ZNF708: variants seen among roughly 807,000 people sequenced by gnomAD.
ZNF708 encodes the protein zinc finger protein 708.
Under a neutral mutation model 47.0 loss-of-function variants are expected in ZNF708, and 44 were observed. The observed-to-expected ratio is 0.94, with a 90% CI of 0.74 to 1.20. The LOEUF (loss-of-function observed/expected upper bound fraction) is 1.20. Among genes scored for constraint, ZNF708 ranks in the 50% most tolerant of loss-of-function variants. The probability of loss-of-function intolerance (pLI) is 0.00; values close to 1 mark genes in which losing one functional copy is unlikely to be tolerated. For synonymous variants in ZNF708, 184 were observed against 218.5 expected (o/e 0.84, Z 1.39); for missense variants, 557 against 656.0 (o/e 0.85, Z 1.65).
At chr19:21,308,282 T>G (rs1972826427) in intron 3 of ZNF708, among the ~76,000 whole-genome samples, 1 of 143,376 alleles carries the variant, frequency 7.0e-6, no homozygotes, top group African/African-American at 2.7e-5. Flanking sequence ...TAATAAATCT[T>G]TTTTTTTTTT....
chr19:21,329,373 C>T lies in ZNF708; in HGVS notation c.-161G>A. 8.9e-7 allele frequency: 1 copy of T among 1,125,686 alleles called. No homozygotes were observed. Among genetic ancestry groups the T allele is most frequent in the Non-Finnish European group, 1.3e-6 (1 of 773,496 alleles). 69.7% of individuals were successfully genotyped at this position (1,125,686 alleles called of 1,614,324 possible). ...CAAGAGACAAAGGCCGCGCCAAACC[C>T]GGAAGCCGCCCTGTCCGGTCCAGCT... On this transcript the variant is annotated 5_prime_UTR_variant, in exon 1 of 4. Transcript: ENST00000356929.
intron 2 of ZNF708, 22 bp downstream of exon 2, chr19:21,310,476 TAAA>T: frequency 1.3e-5 from 13 of 1,021,568 alleles, no homozygotes; most frequent in South Asian, 5.7e-5. Flanking sequence ...TAATAAAAAT[TAAA>T]AAAAAAAAAA....
In ZNF708 at chr19:21,293,272, C is replaced by T. The variant is rs1459107255; in HGVS notation, c.*2G>A. 1 of 1,598,468 alleles carries T rather than the reference C, an allele frequency of 6.3e-7. No homozygotes were observed. Among genetic ancestry groups the T allele is most frequent in the Non-Finnish European group, 8.5e-7 (1 of 1,174,248 alleles). ...TGAAAATACACTAAAGGATTTGACA[C>T]ATTATTTACATTTGTAGGGTTTCTC... On this transcript the variant is annotated 3_prime_UTR_variant, in exon 4 of 4. Transcript: ENST00000356929.
chr19:21,308,158 A>C (rs535738183), intron 3 of ZNF708, among the ~76,000 whole-genome samples: 7 of 152,258 alleles, frequency 4.6e-5, no homozygotes, highest in African/African-American at 1.4e-4. Context: ...AAATATTGTT[A>C]AAATACCATA....
intron 3 of ZNF708, among the ~76,000 whole-genome samples, chr19:21,296,662 G>C (rs1004841677): frequency 1.3e-5 from 2 of 150,846 alleles, no homozygotes; most frequent in African/African-American, 2.4e-5. Context: ...ACATGATGCA[G>C]GAAAACACAT....
At chr19:21,300,113 G>C (rs796263049) in intron 3 of ZNF708, among the ~76,000 whole-genome samples, 1 of 151,194 alleles carries the variant, frequency 6.6e-6, no homozygotes, top group Admixed American at 6.6e-5. Flanking sequence ...AGACCAGCCT[G>C]ACCAACATGG....
chr19:21,320,520 T>C (rs778779032), intron 1 of ZNF708, among the ~76,000 whole-genome samples: 11 of 151,270 alleles, frequency 7.3e-5, no homozygotes, highest in South Asian at 2.1e-4. Context: ...ACCCCGTCTC[T>C]ACAAAAAAAT....
intron 1 of ZNF708, among the ~76,000 whole-genome samples, chr19:21,316,536 T>C (rs914938114): frequency 6.6e-6 from 1 of 152,164 alleles, no homozygotes; most frequent in African/African-American, 2.4e-5. Context: ...TTTGTGGACA[T>C]TTTAGCAAGA....
chr19:21,308,684 T>C (rs1206945437), intron 3 of ZNF708, among the ~76,000 whole-genome samples: 2 of 152,160 alleles, frequency 1.3e-5, no homozygotes, highest in Non-Finnish European at 2.9e-5. Context: ...GTGATAGGAT[T>C]ACAGCTGTGA....
At chr19:21,303,537 G>C (rs73536001) in intron 3 of ZNF708, among the ~76,000 whole-genome samples, 2,432 of 151,964 alleles carry the variant, frequency 0.016, 73 homozygotes, top group African/African-American at 0.051. Context: ...CTGGGCAATG[G>C]AGTGAGATCC....
At chr19:21,326,211 G>A (rs1367151319) in intron 1 of ZNF708, among the ~76,000 whole-genome samples, 1 of 152,158 alleles carries the variant, frequency 6.6e-6, no homozygotes, top group Non-Finnish European at 1.5e-5. Context: ...TCCCACAATT[G>A]GGTATCTACC....
In ZNF708 at chr19:21,329,227, A is replaced by G; in HGVS notation, c.-15T>C. 1 of 1,611,220 alleles carries G rather than the reference A, an allele frequency of 6.2e-7. No homozygotes were observed. On this transcript the variant is annotated 5_prime_UTR_variant, in exon 1 of 4. Coordinates refer to ENST00000356929, the MANE Select transcript of ZNF708 (RefSeq NM_021269.3). ...ACTCTCACCATTTCTAGGCTTCCAG[A>G]GGGTCCTGGAGTCTTAGCTGTGGAT...
chr19:21,308,349 A>C (rs1374259383), intron 3 of ZNF708, among the ~76,000 whole-genome samples: 1 of 150,664 alleles, frequency 6.6e-6, no homozygotes, highest in African/African-American at 2.4e-5. Flanking sequence ...GCACAATCGC[A>C]GCTCACAGCA....
intron 3 of ZNF708, among the ~76,000 whole-genome samples, chr19:21,304,373 C>G (rs543021837): frequency 6.6e-6 from 1 of 151,878 alleles, no homozygotes; most frequent in Non-Finnish European, 1.5e-5. Context: ...CCCCATGACC[C>G]AAACACCACC....
intron 2 of ZNF708, among the ~76,000 whole-genome samples, 192 bp downstream of exon 2, chr19:21,310,309 G>A (rs1263829279): frequency 1.3e-5 from 2 of 151,718 alleles, no homozygotes; most frequent in East Asian, 1.9e-4. Context: ...GCCGGGCATG[G>A]TGGCACATGC....
At chr19:21,298,989 T>C (rs1972600194) in intron 3 of ZNF708, among the ~76,000 whole-genome samples, 1 of 152,188 alleles carries the variant, frequency 6.6e-6, no homozygotes, top group South Asian at 2.1e-4. Context: ...TGTCTAACAG[T>C]TACACTCTGA....
In ZNF708 at chr19:21,294,640, T is replaced by G. The variant is rs762637642; in HGVS notation, c.326A>C (p.Gln109Pro). ...CTCATCCACACTTTTACAGCCTTTC[T>G]GATATCCACATTTTCCATATCTTCT... ...ILRRYGKCGYQKGCKSVDEHK... is the reference protein window; with the variant it reads ...ILRRYGKCGYPKGCKSVDEHK... The change falls in exon 4 of 4, where the codon CAG (glutamine) becomes CCG (proline). Residue 109 changes from glutamine to proline, a missense_variant. Transcript: ENST00000356929. 2.5e-6 allele frequency: 4 copies of G among 1,614,008 alleles called. No individual in the cohort carries two copies. The highest frequency in any genetic ancestry group is 2.2e-5 in the East Asian group (1 of 44,870).
chr19:21,295,512 A>T (rs563073158), intron 3 of ZNF708, among the ~76,000 whole-genome samples: 1 of 152,234 alleles, frequency 6.6e-6, no homozygotes, highest in South Asian at 2.1e-4. Context: ...TTGGGAGGCC[A>T]AGGCGGGTGA....
At position 21,294,469 on chromosome 19, in the gene ZNF708, T is replaced by G; in HGVS notation, c.497A>C (p.Asn166Thr). 7 of 1,614,188 alleles carry G rather than the reference T, an allele frequency of 4.3e-6. No homozygotes were observed. The highest frequency in any genetic ancestry group is 5.9e-6 in the Non-Finnish European group (7 of 1,180,010). Residue 166 changes from asparagine (N) to threonine (T), a missense_variant, in exon 4 of 4, where the codon AAT (asparagine) becomes ACT (threonine). Physicochemically the swap from Asn to Thr is moderately conservative, Grantham distance 65. Transcript: ENST00000356929. Reference protein sequence around the residue: ...KRHKIRHTGKNPFKCKECGKS... With the variant: ...KRHKIRHTGKTPFKCKECGKS... The stretch of plus-strand genomic sequence containing the variant: ...GCCACATTCTTTACATTTGAAAGGA[T>G]TTTTTCCAGTATGTCTTATCTTATG...
Sources: gnomAD v4.1 joint callset for allele counts (sites outside exome capture counted in the v4.1 genomes callset) on GRCh38, gnomAD v4.1.1 for gene constraint, MANE v1.5 for transcripts, NCBI Gene and HGNC (gene_info 2026-07-23, HGNC 2026-07-21) for gene names.